The following CEP152 variants were observed in gnomAD, a reference collection of about 807,000 sequenced individuals.
CEP152 encodes centrosomal protein of 152 kDa.
A neutral mutation model predicts 188.9 loss-of-function variants in CEP152; 132 were observed. The observed-to-expected ratio is 0.70, with a 90% CI of 0.61 to 0.81. The LOEUF is 0.81. Among genes scored for constraint, CEP152 ranks in the 30% least tolerant of loss-of-function variants. The pLI, the probability that CEP152 is intolerant of heterozygous loss-of-function variation, is 0.00. For missense variants in CEP152, 1,914 were observed against 1,969.8 expected (o/e 0.97, Z 0.54); for synonymous variants, 649 against 666.6 (o/e 0.97, Z 0.41).
chr15:48,781,288 A>C lies in CEP152; in HGVS notation c.1485T>G (p.Ser495Arg), dbSNP rs774115618. Residue 495 changes from serine to arginine, a missense_variant, in exon 12 of 27, where the codon AGT becomes AGG. Physicochemically the swap from Ser to Arg is moderately radical, Grantham distance 110. Coordinates refer to ENST00000380950, the MANE Select transcript of CEP152 (RefSeq NM_001194998.2). ...ESAAKLGIHP[S>R]DSEGELNIEL... The stretch of plus-strand genomic sequence containing the variant: ...CTATATTTAATTCTCCTTCTGAGTC[A>C]CTTGGATGTATTCCTAGTTTTGCAG... 2.5e-6 allele frequency: 4 copies of C among 1,612,928 alleles called. No individual in the cohort carries two copies. The highest frequency in any genetic ancestry group is 2.7e-5 in the African/African-American group (2 of 74,878).
intron 20 of CEP152, among the ~76,000 whole-genome samples, chr15:48,753,268 C>T (rs545300672): frequency 2.6e-4 from 40 of 152,278 alleles, no homozygotes; most frequent in African/African-American, 8.2e-4. Context: ...CCTCGTGATC[C>T]GCCTGCTTTG....
intron 20 of CEP152, 89 bp downstream of exon 20, chr15:48,755,814 A>C: frequency 6.3e-7 from 1 of 1,588,976 alleles, no homozygotes; most frequent in Non-Finnish European, 8.5e-7. Context: ...ATCTACTAAA[A>C]TTTAAAAGGA....
intron 19 of CEP152, among the ~76,000 whole-genome samples, chr15:48,759,109 A>G (rs1430807905): frequency 6.6e-6 from 1 of 152,230 alleles, no homozygotes; most frequent in Non-Finnish European, 1.5e-5. Flanking sequence ...ATCATGTGTT[A>G]TCCATTTTTC....
Position 48,762,651 on chromosome 15 carries a change from G to A in CEP152, c.2302C>T (p.Gln768Ter). The change falls in exon 18 of 27, where the codon CAG (glutamine) becomes TAG (stop). Residue 768 changes from glutamine to a stop codon, truncating the protein, a stop_gained. Transcript: ENST00000380950. LOFTEE classifies it high-confidence loss of function. ...QEKIKEKLIQQLEKEWQSKLD... is the reference protein window; with the variant it reads ...QEKIKEKLIQ ...TTAGACTGCCACTCCTTTTCAAGCT[G>A]TTGAATGAGTTTTTCTTTGATCTGT... 2 of 1,613,682 alleles carry A rather than the reference G, an allele frequency of 1.2e-6. No individual in the cohort carries two copies. Among genetic ancestry groups the A allele is most frequent in the Non-Finnish European group, 8.5e-7 (1 of 1,179,968 alleles).
chr15:48,778,947 C>T (rs1339630290), intron 12 of CEP152, among the ~76,000 whole-genome samples: 1 of 135,106 alleles, frequency 7.4e-6, no homozygotes, highest in Non-Finnish European at 1.6e-5. Flanking sequence ...AAAACTCCAT[C>T]TCAAAAAAAA....
At chr15:48,741,130 CT>C (rs60800078) in intron 26 of CEP152, 150,931 of 758,528 alleles carry the variant, frequency 0.2, 2 homozygotes, top group Non-Finnish European at 0.22. Context: ...CCACTGCAAA[CT>C]TTTTTTTTTT....
chr15:48,775,418 T>C (rs934118069), intron 12 of CEP152, among the ~76,000 whole-genome samples: 1 of 152,126 alleles, frequency 6.6e-6, no homozygotes, highest in Non-Finnish European at 1.5e-5. Context: ...GAAAAACCTA[T>C]ACATTACTGA....
At chr15:48,767,284 G>C in intron 16 of CEP152, 51 bp downstream of exon 16, 1 of 1,613,968 alleles carries the variant, frequency 6.2e-7, no homozygotes, top group Non-Finnish European at 8.5e-7. Context: ...TTATGGAATA[G>C]GGGAATGTAG....
In CEP152 at chr15:48,768,355, C is replaced by T. The variant is rs528992982; in HGVS notation, c.1909-27G>A. 5.5e-6 allele frequency: 7 copies of T among 1,267,668 alleles called. No individual in the cohort carries two copies. The African/African-American group carries it at 1.0e-4, about 19-fold the overall frequency. The allele number at this position is 1,267,668 out of a possible 1,614,324, so 78.5% of individuals were successfully genotyped here. A position where few individuals can be genotyped will look rare whatever the true frequency, so the allele number is the denominator to read the frequency against. ...TAGACACAAAAGAATAAACTTAGTACTTACAGAAAATAAACATCATTTTCA... is the reference window on the plus strand; with the variant it reads ...TAGACACAAAAGAATAAACTTAGTATTTACAGAAAATAAACATCATTTTCA... On this transcript the variant is annotated intron_variant, in intron 14 of 26. Transcript: ENST00000380950.
intron 12 of CEP152, among the ~76,000 whole-genome samples, chr15:48,778,310 A>G (rs1374487461): frequency 1.3e-5 from 2 of 152,222 alleles, no homozygotes; most frequent in Admixed American, 1.3e-4. Context: ...AATTCCCAAC[A>G]CATGAAAATT....
intron 11 of CEP152, 100 bp downstream of exon 11, chr15:48,782,039 A>C: frequency 9.0e-7 from 1 of 1,106,274 alleles, no homozygotes; most frequent in Admixed American, 1.9e-5. Context: ...AGGTGGTCCA[A>C]CCACCTCTAT....
chr15:48,760,618 G>A (rs1375083937), intron 18 of CEP152, among the ~76,000 whole-genome samples: 2 of 152,140 alleles, frequency 1.3e-5, no homozygotes, highest in Non-Finnish European at 2.9e-5. Context: ...GCCAACTGCT[G>A]TCTAATCACT....
In CEP152 at chr15:48,793,464, G is replaced by T; in HGVS notation, c.692-3C>A. 6.2e-7 allele frequency: 1 copy of T among 1,611,314 alleles called. No homozygotes were observed. The highest frequency in any genetic ancestry group is 1.1e-5 in the South Asian group (1 of 90,994). On this transcript the variant is annotated splice_polypyrimidine_tract_variant and splice_region_variant and intron_variant, in intron 6 of 26. Transcript: ENST00000380950. ...AATCTGCATATTTTCTGCAGAGTCTGGGAATTAAAGACAATTTATTAGATA... is the reference window on the plus strand; with the variant it reads ...AATCTGCATATTTTCTGCAGAGTCTTGGAATTAAAGACAATTTATTAGATA...
intron 2 of CEP152, chr15:48,729,274 G>A (rs1892345641): frequency 1.3e-5 from 2 of 152,240 alleles, no homozygotes; most frequent in South Asian, 2.1e-4. Context: ...AGTGGCTCAC[G>A]CCTGTAATCT....
At chr15:48,784,160 A>T (rs751065381) in intron 9 of CEP152, 40 bp from the exon 10 acceptor site, 18 of 1,582,146 alleles carry the variant, frequency 1.1e-5, no homozygotes, top group South Asian at 3.4e-5. Context: ...TTTCATAAAG[A>T]GTTTTAATAA....
downstream of CEP152, among the ~76,000 whole-genome samples, chr15:48,734,194 TATAC>T (rs926213436): frequency 1.3e-5 from 2 of 150,182 alleles, no homozygotes; most frequent in African/African-American, 4.9e-5. Flanking sequence ...CACTGTAATA[TATAC>T]ATATATACAT....
At chr15:48,804,752 C>A (rs1246203769) in intron 2 of CEP152, among the ~76,000 whole-genome samples, 1 of 152,196 alleles carries the variant, frequency 6.6e-6, no homozygotes, top group Non-Finnish European at 1.5e-5. Flanking sequence ...AATATGATAT[C>A]AATTTTCCCT....
rs2140717665 is a variant in CEP152, at chr15:48,762,634, C to T, written c.2319G>A (p.Trp773Ter). Reference protein sequence around the residue: ...EKLIQQLEKEWQSKLDQTIKA... With the variant: ...EKLIQQLEKE ...TTATAGTTTGATCCAGCTTAGACTGCCACTCCTTTTCAAGCTGTTGAATGA... is the reference window on the plus strand; with the variant it reads ...TTATAGTTTGATCCAGCTTAGACTGTCACTCCTTTTCAAGCTGTTGAATGA... The change falls in exon 18 of 27, where the codon TGG becomes TGA. Residue 773 changes from tryptophan to a stop codon, truncating the protein, a stop_gained. Transcript: ENST00000380950. LOFTEE classifies it high-confidence loss of function. The T allele has an allele frequency of 6.2e-7, 1 of 1,613,870 alleles. No individual in the cohort carries two copies. Among genetic ancestry groups the T allele is most frequent in the Middle Eastern group, 1.7e-4 (1 of 6,060 alleles).
intron 25 of CEP152, 82 bp downstream of exon 25, chr15:48,741,865 T>C: frequency 6.2e-7 from 1 of 1,612,734 alleles, no homozygotes; most frequent in Non-Finnish European, 8.5e-7. Flanking sequence ...AAATAGTTAA[T>C]TTAGTGGTTA....
Sources: gnomAD v4.1 joint callset for allele counts (sites outside exome capture counted in the v4.1 genomes callset) on GRCh38, gnomAD v4.1.1 for gene constraint, MANE v1.5 for transcripts, NCBI Gene and HGNC (gene_info 2026-07-23, HGNC 2026-07-21) for gene names.